NOP58: variants seen among roughly 807,000 people sequenced by gnomAD.
NOP58 encodes NOP58 ribonucleoprotein.
In NOP58, 44 loss-of-function variants were observed where a neutral mutation model predicts 71.2. The ratio of observed to expected loss-of-function variants is 0.62; its 90% CI spans 0.49 to 0.79. The LOEUF (loss-of-function observed/expected upper bound fraction) is 0.79. NOP58 is among the 30% of genes least tolerant of loss of function. NOP58 has a pLI of 0.00. For missense variants in NOP58, 538 were observed against 620.2 expected, an observed-to-expected ratio of 0.87 and a Z score of 1.41; for synonymous variants, 228 against 200.3, an observed-to-expected ratio of 1.14 and a Z score of -1.17.
Position 202,275,245 on chromosome 2 carries a change from T to A in NOP58, c.122+56T>A, listed in dbSNP as rs1474438088. ...GTTAACATTTAGGGCTTGTTTTATT[T>A]TTTACATTTTTCCCTGATTTATATA... On this transcript the variant is annotated intron_variant, in intron 2 of 14. Coordinates refer to ENST00000264279, the MANE Select transcript of NOP58 (RefSeq NM_015934.5). The A allele has an allele frequency of 2.6e-5, 22 of 862,408 alleles. No homozygotes were observed. In the Admixed American group the frequency reaches 5.5e-4, roughly 21 times the overall value. 53.4% of individuals were successfully genotyped at this position (862,408 alleles called of 1,614,324 possible).
intron 1 of NOP58, among the ~76,000 whole-genome samples, chr2:202,270,425 A>G (rs1688497098): frequency 6.6e-6 from 1 of 152,248 alleles, no homozygotes; most frequent in Non-Finnish European, 1.5e-5. Flanking sequence ...CAAGTTTCAT[A>G]AAATATTAAC....
In NOP58 at chr2:202,287,122, C is replaced by G. The variant is rs959767122; in HGVS notation, c.435-538C>G. Among the ~76,000 whole-genome samples, 6 of 135,062 alleles carry G rather than the reference C, an allele frequency of 4.4e-5. No homozygotes were observed. The Admixed American group carries it at 5.1e-4, about 12-fold the overall frequency. 88.6% of individuals were successfully genotyped at this position (135,062 alleles called of 152,430 possible). On this transcript the variant is annotated intron_variant, in intron 5 of 14. Coordinates refer to ENST00000264279, the MANE Select transcript of NOP58 (RefSeq NM_015934.5). ...TTGCTTTGTTGCCCAGGCTGGAGTA[C>G]AGTGGCACGTGATCTCGGCTCACTG...
intron 12 of NOP58, chr2:202,300,018 CCA>C: frequency 2.3e-6 from 1 of 440,094 alleles, no homozygotes. Flanking sequence ...ATTTAGCTCA[CCA>C]CATCTCTTGA....
At chr2:202,287,859 C>A (rs1218085535) in intron 6 of NOP58, 135 bp downstream of exon 6, 7 of 657,912 alleles carry the variant, frequency 1.1e-5, no homozygotes, top group Non-Finnish European at 1.6e-5. Flanking sequence ...AGCCTTTAAT[C>A]CCAGCACTTG....
At chr2:202,297,315 C>G in intron 10 of NOP58, 64 bp from the exon 11 acceptor site, 1 of 1,419,010 alleles carries the variant, frequency 7.0e-7, no homozygotes, top group African/African-American at 1.4e-5. Flanking sequence ...GATTTTAAAA[C>G]ATCCAAGTTA....
intron 1 of NOP58, among the ~76,000 whole-genome samples, chr2:202,272,355 C>T (rs1433584541): frequency 6.6e-6 from 1 of 151,748 alleles, no homozygotes; most frequent in African/African-American, 2.4e-5. Flanking sequence ...GGGGTTTCAC[C>T]GTGTTAGCTA....
rs1689001722 is a variant in NOP58 at position 202,296,793 on chromosome 2, G to A, written c.1072-586G>A. Reference sequence around the variant, plus strand: ...CTGTCGCCCAGACTGGAGTGCAGTGGTGCCATCCCGGCTCACTGCAAGCTC... The same window carrying A: ...CTGTCGCCCAGACTGGAGTGCAGTGATGCCATCCCGGCTCACTGCAAGCTC... On this transcript the variant is annotated intron_variant, in intron 10 of 14. Transcript: ENST00000264279. Among the ~76,000 whole-genome samples, 3 of 151,920 alleles carry A rather than the reference G, an allele frequency of 2.0e-5. No individual in the cohort carries two copies. The South Asian group carries it at 6.2e-4, about 32-fold the overall frequency.
intron 9 of NOP58, 93 bp downstream of exon 9, chr2:202,292,996 A>C: frequency 7.4e-7 from 1 of 1,346,804 alleles, no homozygotes; most frequent in Non-Finnish European, 1.1e-6. Flanking sequence ...CTGTTAAAGA[A>C]ATTTTAGCTG....
intron 2 of NOP58, among the ~76,000 whole-genome samples, chr2:202,276,256 C>T (rs1688587320): frequency 6.6e-6 from 1 of 151,594 alleles, no homozygotes; most frequent in African/African-American, 2.4e-5. Context: ...AGGAAAATCC[C>T]TTGAGCCTGG....
At chr2:202,289,019 C>T (rs994934692) in intron 6 of NOP58, among the ~76,000 whole-genome samples, 2 of 151,742 alleles carry the variant, frequency 1.3e-5, no homozygotes, top group African/African-American at 4.8e-5. Flanking sequence ...ACTTAGGAGG[C>T]TGAGGAAGGA....
chr2:202,302,516 T>G (rs1250527616), intron 13 of NOP58, among the ~76,000 whole-genome samples: 1 of 152,220 alleles, frequency 6.6e-6, no homozygotes, highest in Admixed American at 6.5e-5. Flanking sequence ...TAAGACATTC[T>G]TAAGTTTTAT....
chr2:202,270,320 C>A (rs990908692), intron 1 of NOP58, among the ~76,000 whole-genome samples: 2 of 152,120 alleles, frequency 1.3e-5, no homozygotes, highest in African/African-American at 2.4e-5. Context: ...TGAAGCTAAC[C>A]GAAGAGCTTT....
chr2:202,269,693 G>A (rs553786803), intron 1 of NOP58, among the ~76,000 whole-genome samples: 1 of 152,052 alleles, frequency 6.6e-6, no homozygotes, highest in African/African-American at 2.4e-5. Context: ...ATGAGCTGCG[G>A]TCGCGCCACT....
Position 202,287,526 on chromosome 2 carries a change from T to A in NOP58, c.435-134T>A. ...ATTTCTACTTAGCTGATTTTTCTTC[T>A]TAGAAAAACCAATTACAGCTCTGAC... is the stretch of plus-strand genomic sequence containing the variant. On this transcript the variant is annotated intron_variant, in intron 5 of 14. Coordinates refer to ENST00000264279, the MANE Select transcript of NOP58 (RefSeq NM_015934.5). 3 of 618,536 alleles carry A rather than the reference T, an allele frequency of 4.9e-6. No individual in the cohort carries two copies. In the South Asian group the frequency reaches 6.1e-5, roughly 13 times the overall value. 38.3% of individuals were successfully genotyped at this position (618,536 alleles called of 1,614,324 possible). A position where few individuals can be genotyped will look rare whatever the true frequency, so the allele number is the denominator to read the frequency against.
intron 11 of NOP58, 142 bp downstream of exon 11, chr2:202,297,655 C>G (rs77025332): frequency 1.1e-6 from 1 of 922,004 alleles, no homozygotes; most frequent in Admixed American, 2.9e-5. Flanking sequence ...CTACTGTTAA[C>G]AATTGCTATT....
intron 13 of NOP58, among the ~76,000 whole-genome samples, chr2:202,301,630 T>TA (rs1162956828): frequency 6.6e-6 from 1 of 152,228 alleles, no homozygotes. Flanking sequence ...ACTAGCTTTT[T>TA]AAATCTAAAT....
chr2:202,266,463 T>C (rs890662817), intron 1 of NOP58, among the ~76,000 whole-genome samples: 1 of 151,860 alleles, frequency 6.6e-6, no homozygotes, highest in Non-Finnish European at 1.5e-5. Context: ...CCACCACGCC[T>C]GGCTAGTTGT....
intron 1 of NOP58, among the ~76,000 whole-genome samples, chr2:202,270,124 T>C (rs1688493346): frequency 1.3e-5 from 2 of 152,260 alleles, no homozygotes; most frequent in Admixed American, 1.3e-4. Flanking sequence ...CTATAGGTTT[T>C]AGTTACAATC....
intron 1 of NOP58, among the ~76,000 whole-genome samples, chr2:202,268,632 ACGG>A (rs1688459977): frequency 6.7e-6 from 1 of 150,370 alleles, no homozygotes; most frequent in African/African-American, 2.4e-5. Flanking sequence ...TTTTTTTGAG[ACGG>A]AGTTTCACTC....
Sources: gnomAD v4.1 joint callset for allele counts (sites outside exome capture counted in the v4.1 genomes callset) on GRCh38, gnomAD v4.1.1 for gene constraint, MANE v1.5 for transcripts, NCBI Gene and HGNC (gene_info 2026-07-23, HGNC 2026-07-21) for gene names.